SHROOM4: variants seen among roughly 807,000 people sequenced by gnomAD.
SHROOM4 encodes protein Shroom4.
Under a neutral mutation model 80.3 loss-of-function variants are expected in SHROOM4, and 17 were observed. The ratio of observed to expected loss-of-function variants is 0.21; its 90% CI spans 0.14 to 0.32. SHROOM4 has a LOEUF of 0.32. SHROOM4 is among the 10% of genes least tolerant of loss of function. The pLI is 1.00. For missense variants in SHROOM4, 993 were observed against 1,140.3 expected (o/e 0.87, Z 1.86); for synonymous variants, 400 against 437.5 (o/e 0.91, Z 1.07).
chrX:50,692,604 G>A (rs1472920076), intron 2 of SHROOM4, among the ~76,000 whole-genome samples: 3 of 111,126 alleles, frequency 2.7e-5, no homozygotes, highest in Non-Finnish European at 3.8e-5. Flanking sequence ...AAACAAAAAC[G>A]CTTCCAAATT....
intron 1 of SHROOM4, among the ~76,000 whole-genome samples, chrX:50,762,942 A>G (rs1935192327): frequency 9.0e-6 from 1 of 111,074 alleles, no homozygotes; most frequent in South Asian, 3.8e-4. Flanking sequence ...AACATTTTTC[A>G]TCATGTTTTG....
Position 50,589,950 on chromosome X carries a change from G to A in SHROOM4, c.*6745C>T, listed in dbSNP as rs2147193047. On this transcript the variant is annotated 3_prime_UTR_variant, in exon 9 of 9. Coordinates refer to ENST00000376020, the MANE Select transcript of SHROOM4 (RefSeq NM_020717.5). The stretch of plus-strand genomic sequence containing the variant: ...TCCTCACCAACACTTGTTATTGTTT[G>A]GCTTTTTGATATAGCTATTCTAGTG... 8.9e-6 allele frequency among the ~76,000 whole-genome samples: 1 copy of A among 112,080 alleles called. No homozygotes were observed. The highest frequency in any genetic ancestry group is 3.2e-5 in the African/African-American group (1 of 30,859).
At chrX:50,606,556 G>A (rs1929679664) in intron 6 of SHROOM4, among the ~76,000 whole-genome samples, 1 of 108,884 alleles carries the variant, frequency 9.2e-6, no homozygotes, top group African/African-American at 3.4e-5. Flanking sequence ...TAGCAATGAT[G>A]GTCCTGGGGC....
intron 1 of SHROOM4, among the ~76,000 whole-genome samples, chrX:50,741,758 G>A (rs1303775756): frequency 1.8e-5 from 2 of 110,248 alleles, no homozygotes; most frequent in Non-Finnish European, 3.8e-5. Flanking sequence ...TCTTTATCAC[G>A]TCAAAGAAAT....
intron 1 of SHROOM4, among the ~76,000 whole-genome samples, chrX:50,721,690 C>G (rs1244852614): frequency 9.0e-6 from 1 of 111,244 alleles, no homozygotes; most frequent in Non-Finnish European, 1.9e-5. Flanking sequence ...CTCATTTTAC[C>G]CAGCTTCTAT....
At chrX:50,630,419 A>G (rs1557253929) in intron 4 of SHROOM4, among the ~76,000 whole-genome samples, 1 of 111,486 alleles carries the variant, frequency 9.0e-6, no homozygotes, top group African/African-American at 3.3e-5. Flanking sequence ...AATCCCCACA[A>G]CCAACTTATG....
intron 1 of SHROOM4, among the ~76,000 whole-genome samples, chrX:50,759,735 C>A (rs1303491431): frequency 1.8e-5 from 2 of 111,378 alleles, no homozygotes; most frequent in Non-Finnish European, 3.8e-5. Context: ...ATTTTTCCTG[C>A]AGTCTGTAAG....
At chrX:50,668,276 A>AG (rs1483076221) in intron 2 of SHROOM4, among the ~76,000 whole-genome samples, 2 of 111,242 alleles carry the variant, frequency 1.8e-5, no homozygotes, top group Non-Finnish European at 3.8e-5. Flanking sequence ...GTGGGGTGTT[A>AG]GAACCTCCAC....
At chrX:50,707,632 C>G (rs1933710410) in intron 1 of SHROOM4, among the ~76,000 whole-genome samples, 1 of 108,085 alleles carries the variant, frequency 9.3e-6, no homozygotes, top group African/African-American at 3.4e-5. Flanking sequence ...ACCCCCACCC[C>G]AAGACAATTT....
intron 4 of SHROOM4, among the ~76,000 whole-genome samples, chrX:50,628,148 ACCCTCTCC>A (rs1930887654): frequency 9.0e-6 from 1 of 110,648 alleles, no homozygotes; most frequent in African/African-American, 3.3e-5. Flanking sequence ...GGCTGCAGCA[ACCCTCTCC>A]CCAGGTGAGG....
rs1354448945 is a variant in SHROOM4 at position 50,739,655 on chromosome X, T to C, written c.118-43718A>G. 5.9e-5 allele frequency among the ~76,000 whole-genome samples: 6 copies of C among 102,237 alleles called. 1 individual carries two copies. The highest frequency in any genetic ancestry group is 3.1e-4 in the East Asian group (1 of 3,191). The allele number at this position is 102,237 out of a possible 115,157, so 88.8% of individuals were successfully genotyped here. ...AGATACCATCTCACACCAGTTAGAA[T>C]GGCGATCATTAAAAAGTCAGGAAAC... is the stretch of plus-strand genomic sequence containing the variant. On this transcript the variant is annotated intron_variant, in intron 1 of 8. Coordinates refer to ENST00000376020, the MANE Select transcript of SHROOM4 (RefSeq NM_020717.5).
chrX:50,634,668 C>T lies in SHROOM4; in HGVS notation c.1405G>A (p.Asp469Asn). 8.3e-7 allele frequency: 1 copy of T among 1,211,903 alleles called. No individual in the cohort carries two copies. The highest frequency in any genetic ancestry group is 1.7e-5 in the African/African-American group (1 of 57,791). The part of the protein sequence containing the change: ...SPCPPTGGTH[D>N]QSSKERKTRQ... Reference sequence around the variant, plus strand: ...GTCTTTCTTTCTTTGCTGGACTGGTCATGGGTTCCTCCTGTAGGGGGGCAT... The same window carrying T: ...GTCTTTCTTTCTTTGCTGGACTGGTTATGGGTTCCTCCTGTAGGGGGGCAT... The change falls in exon 4 of 9, where the codon GAC becomes AAC. Residue 469 changes from aspartate (D) to asparagine (N), a missense_variant. By Grantham distance (23) the Asp-to-Asn change is conservative. Coordinates refer to ENST00000376020, the MANE Select transcript of SHROOM4 (RefSeq NM_020717.5).
At chrX:50,793,832 T>C (rs1935903524) in intron 1 of SHROOM4, among the ~76,000 whole-genome samples, 1 of 110,254 alleles carries the variant, frequency 9.1e-6, no homozygotes, top group Non-Finnish European at 1.9e-5. Flanking sequence ...AGTCTTTCAA[T>C]AGTTAAAAAC....
In SHROOM4 at chrX:50,635,392, G is replaced by A. The variant is rs782175611; in HGVS notation, c.681C>T (p.Pro227=). 1 of 1,205,925 alleles carries A rather than the reference G, an allele frequency of 8.3e-7. No individual in the cohort carries two copies. Among genetic ancestry groups the A allele is most frequent in the South Asian group, 1.8e-5 (1 of 55,798 alleles). Residue 227 remains proline, a synonymous_variant, in exon 4 of 9, where the codon CCC becomes CCT. Transcript: ENST00000376020. ...IMQGPGPTKA[P]SGRPNVAETS... is the part of the protein sequence containing the mutation. ...TCTCAGCCACATTAGGCCGGCCACT[G>A]GGGGCCTTAGTTGGCCCTGGGCCTT...
chrX:50,797,671 G>C (rs1936044489), intron 1 of SHROOM4, among the ~76,000 whole-genome samples: 1 of 111,598 alleles, frequency 9.0e-6, no homozygotes, highest in Non-Finnish European at 1.9e-5. Flanking sequence ...ATTGTATAGA[G>C]AAAACAAGGA....
chrX:50,680,559 T>C (rs937758237), intron 2 of SHROOM4, among the ~76,000 whole-genome samples: 2 of 111,027 alleles, frequency 1.8e-5, no homozygotes, highest in Non-Finnish European at 3.8e-5. Context: ...TCAGAGAGAG[T>C]TTCAGACCTC....
intron 1 of SHROOM4, among the ~76,000 whole-genome samples, chrX:50,728,601 G>A (rs968127950): frequency 8.9e-6 from 1 of 111,815 alleles, no homozygotes; most frequent in African/African-American, 3.3e-5. Context: ...TGACCCAAGG[G>A]CTGCTTCTAG....
intron 7 of SHROOM4, among the ~76,000 whole-genome samples, chrX:50,602,028 G>A (rs961428775): frequency 1.8e-5 from 2 of 111,246 alleles, no homozygotes; most frequent in African/African-American, 3.3e-5. Flanking sequence ...GGGCAAATTC[G>A]TCCCTTCAAC....
chrX:50,724,250 C>A (rs1557265723), intron 1 of SHROOM4, among the ~76,000 whole-genome samples: 1 of 111,505 alleles, frequency 9.0e-6, no homozygotes, highest in East Asian at 2.8e-4. Context: ...TGGGCAACCT[C>A]TAGAAGCTAA....
Sources: allele counts gnomAD v4.1 joint callset (sites outside exome capture counted in the v4.1 genomes callset), GRCh38; gene constraint gnomAD v4.1.1; transcripts MANE v1.5; gene names NCBI Gene and HGNC (gene_info 2026-07-23, HGNC 2026-07-21).